Variants in NR0B1 observed in about 807,000 individuals in gnomAD.
NR0B1 encodes nuclear receptor subfamily 0 group B member 1.
In NR0B1, 3 loss-of-function variants were observed where a neutral mutation model predicts 23.0. The ratio of observed to expected loss-of-function variants is 0.13; its 90% CI spans 0.06 to 0.34. The LOEUF is 0.34. NR0B1 is among the 10% of genes least tolerant of loss of function. The pLI is 1.00. For synonymous variants in NR0B1, 205 were observed against 184.0 expected (o/e 1.11, Z -0.92); for missense variants, 350 against 402.9 (o/e 0.87, Z 1.12).
rs1041148581 is a variant in NR0B1 at position 30,304,404 on chromosome X, G to A, written c.*175C>T. On this transcript the variant is annotated 3_prime_UTR_variant, in exon 2 of 2. Transcript: ENST00000378970. ...AAATGTCTTCTTTAACTATGGAACA[G>A]AGAAATTTGTGACTGTCTGGAATAA... is the stretch of plus-strand genomic sequence containing the variant. The A allele has an allele frequency of 1.9e-6, 1 of 523,206 alleles. No individual in the cohort carries two copies. Among genetic ancestry groups the A allele is most frequent in the African/African-American group, 2.4e-5 (1 of 42,188 alleles). 43.1% of individuals were successfully genotyped at this position (523,206 alleles called of 1,213,427 possible).
rs1926480359 is a variant in NR0B1, at chrX:30,304,314, C to A, written c.*265G>T. The stretch of plus-strand genomic sequence containing the variant: ...GAAATTGCTACACTTGTGAAAATAG[C>A]TTATTATACTAGTACCCTGCTATTT... On this transcript the variant is annotated 3_prime_UTR_variant, in exon 2 of 2. Coordinates refer to ENST00000378970, the MANE Select transcript of NR0B1 (RefSeq NM_000475.5). 1 of 274,205 alleles carries A rather than the reference C, an allele frequency of 3.6e-6. No homozygotes were observed. Among genetic ancestry groups the A allele is most frequent in the Non-Finnish European group, 6.4e-6 (1 of 155,164 alleles). 22.6% of individuals were successfully genotyped at this position (274,205 alleles called of 1,213,427 possible). A position where few individuals can be genotyped will look rare whatever the true frequency, so the allele number is the denominator to read the frequency against.
At chrX:30,304,938 G>T in intron 1 of NR0B1, 115 bp from the exon 2 acceptor site, 1 of 937,532 alleles carries the variant, frequency 1.1e-6, no homozygotes. Flanking sequence ...AAAGCTTCCC[G>T]GTTAAAAGGG....
chrX:30,304,817 G>A lies in NR0B1; in HGVS notation c.1175C>T (p.Pro392Leu), dbSNP rs1261361082. The stretch of plus-strand genomic sequence containing the variant: ...AATGTACTTCACGCACTGCAGGCCC[G>A]GCACGTCTGGAGGGAGAAAAATCTC... ...KGTVLFNPDV[P>L]GLQCVKYIQG... The change falls in exon 2 of 2, where the codon CCG becomes CTG. Residue 392 changes from proline to leucine, a missense_variant. Around this residue, in one of 2 missense-constraint regions of NR0B1, gnomAD observed 52 missense variants for 88.9 expected, o/e 0.58. Transcript: ENST00000378970. 2.5e-6 allele frequency: 3 copies of A among 1,210,709 alleles called. No homozygotes were observed. Among genetic ancestry groups the A allele is most frequent in the Non-Finnish European group, 3.4e-6 (3 of 895,116 alleles).
Position 30,308,293 on chromosome X carries a change from C to T in NR0B1, c.1071G>A (p.Gln357=). Residue 357 remains glutamine (Q), a synonymous_variant, in exon 1 of 2, where the codon CAG becomes CAA. Coordinates refer to ENST00000378970, the MANE Select transcript of NR0B1 (RefSeq NM_000475.5). The part of the protein sequence containing the change: ...AEARKVPSAS[Q]VQAIKCFLSK... ...AAAGAAAGCACTTGATGGCTTGGAC[C>T]TGGGAGGCGGAGGGCACCTTCCTGG... 1 of 1,211,275 alleles carries T rather than the reference C, an allele frequency of 8.3e-7. No homozygotes were observed. The highest frequency in any genetic ancestry group is 1.1e-6 in the Non-Finnish European group (1 of 894,768).
At chrX:30,305,797 G>A (rs1926506779) in intron 1 of NR0B1, 2 of 470,128 alleles carry the variant, frequency 4.3e-6, no homozygotes, top group African/African-American at 2.6e-5. Flanking sequence ...GTAATTAGCA[G>A]TTGACCACTT....
Position 30,308,629 on chromosome X carries a change from C to CAGA in NR0B1, c.734_735insTCT (p.Pro245_Val246insLeu). 1 of 1,206,623 alleles carries CAGA rather than the reference C, an allele frequency of 8.3e-7. No homozygotes were observed. Among genetic ancestry groups the CAGA allele is most frequent in the Non-Finnish European group, 1.1e-6 (1 of 893,604 alleles). ...CCACCTGTGGACTCTTGAGCGCCAC[C>CAGA]GGCCGCAGCGCACCAGAGGAGGTGT... On this transcript the variant is annotated inframe_insertion, in exon 1 of 2. Transcript: ENST00000378970.
chrX:30,308,410 C>A lies in NR0B1; in HGVS notation c.954G>T (p.Gln318His), dbSNP rs1052691598. Residue 318 changes from glutamine (Q) to histidine (H), a missense_variant, in exon 1 of 2, where the codon CAG becomes CAT. By Grantham distance (24) the Gln-to-His change is conservative (BLOSUM62 0). Coordinates refer to ENST00000378970, the MANE Select transcript of NR0B1 (RefSeq NM_000475.5). ...TVEVSEPSML[Q>H]KILTTRRRET... ...CCCGCCGCCTGGTGGTGAGGATCTT[C>A]TGCAGCATGCTGGGCTCCGAGACTT... 1.7e-6 allele frequency: 2 copies of A among 1,203,803 alleles called. No individual in the cohort carries two copies. Among genetic ancestry groups the A allele is most frequent in the Middle Eastern group, 2.3e-4 (1 of 4,306 alleles).
Position 30,308,585 on chromosome X carries a change from G to T in NR0B1, c.779C>A (p.Ala260Glu), listed in dbSNP as rs748162844. Reference protein sequence around the residue: ...SPQVVCEAASAGLLKTLRFVK... With the variant: ...SPQVVCEAASEGLLKTLRFVK... ...GAAGCGCAGCGTCTTCAACAGGCCC[G>T]CTGAGGCTGCCTCGCAGACCACCTG... Residue 260 changes from alanine to glutamate, a missense_variant, in exon 1 of 2, where the codon GCG (alanine) becomes GAG (glutamate). Transcript: ENST00000378970. The T allele has an allele frequency of 8.3e-7, 1 of 1,207,875 alleles. No homozygotes were observed. Among genetic ancestry groups the T allele is most frequent in the Non-Finnish European group, 1.1e-6 (1 of 894,383 alleles).
chrX:30,306,622 G>A, intron 1 of NR0B1, among the ~76,000 whole-genome samples: 1 of 89,968 alleles, frequency 1.1e-5, no homozygotes, highest in South Asian at 5.4e-4. Flanking sequence ...TGTGTTAAAA[G>A]TATATAAAAC....
chrX:30,304,605 G>A lies in NR0B1; in HGVS notation c.1387C>T (p.Leu463=), dbSNP rs766596662. The A allele has an allele frequency of 1.7e-6, 2 of 1,211,232 alleles. No homozygotes were observed. Among genetic ancestry groups the A allele is most frequent in the Admixed American group, 4.3e-5 (2 of 46,020 alleles). ...TATATCTTTGTACAGAGCATTTCCAGCATCATATCATCCATGCTGACTGTG... is the reference window on the plus strand; with the variant it reads ...TATATCTTTGTACAGAGCATTTCCAACATCATATCATCCATGCTGACTGTG... ...IGTVSMDDMM[L]EMLCTKI Residue 463 remains leucine, a synonymous_variant, in exon 2 of 2, where the codon CTG becomes TTG. Transcript: ENST00000378970.
rs1001710892 is a variant in NR0B1 at position 30,308,600 on chromosome X, C to A, written c.764G>T (p.Cys255Phe). 8.3e-7 allele frequency: 1 copy of A among 1,208,658 alleles called. No homozygotes were observed. Among genetic ancestry groups the A allele is most frequent in the East Asian group, 3.0e-5 (1 of 33,759 alleles). The change falls in exon 1 of 2, where the codon TGC becomes TTC. Residue 255 changes from cysteine (C) to phenylalanine (F), a missense_variant. Transcript: ENST00000378970. Reference sequence around the variant, plus strand: ...CAACAGGCCCGCTGAGGCTGCCTCGCAGACCACCTGTGGACTCTTGAGCGC... The same window carrying A: ...CAACAGGCCCGCTGAGGCTGCCTCGAAGACCACCTGTGGACTCTTGAGCGC... ...PVALKSPQVV[C>F]EAASAGLLKT...
intron 1 of NR0B1, among the ~76,000 whole-genome samples, chrX:30,306,421 A>G (rs773500828): frequency 1.8e-5 from 2 of 111,721 alleles, no homozygotes; most frequent in African/African-American, 3.2e-5. Context: ...TATATATGGG[A>G]CATACAAAGG....
At position 30,304,575 on chromosome X, in the gene NR0B1, G is replaced by A; in HGVS notation, c.*4C>T. The stretch of plus-strand genomic sequence containing the variant: ...ACTACTGCACTTGTGTGGCCCACAT[G>A]ACTTTATATCTTTGTACAGAGCATT... On this transcript the variant is annotated 3_prime_UTR_variant, in exon 2 of 2. Transcript: ENST00000378970. 8.3e-7 allele frequency: 1 copy of A among 1,211,131 alleles called. No homozygotes were observed. Among genetic ancestry groups the A allele is most frequent in the Non-Finnish European group, 1.1e-6 (1 of 895,188 alleles).
intron 1 of NR0B1, among the ~76,000 whole-genome samples, chrX:30,306,129 C>T (rs770901339): frequency 1.8e-5 from 2 of 111,523 alleles, no homozygotes; most frequent in South Asian, 3.8e-4. Context: ...TGAATTCCAT[C>T]GATGAAAGTA....
rs757381652 is a variant in NR0B1, at chrX:30,309,011, G to A, written c.353C>T (p.Ala118Val). The A allele has an allele frequency of 2.1e-5, 25 of 1,202,507 alleles. No homozygotes were observed. In the Admixed American group the frequency reaches 5.4e-4, roughly 26 times the overall value. The change falls in exon 1 of 2, where the codon GCG becomes GTG. Residue 118 changes from alanine to valine, a missense_variant. By Grantham distance (64) the Ala-to-Val change is moderately conservative. Coordinates refer to ENST00000378970, the MANE Select transcript of NR0B1 (RefSeq NM_000475.5). Reference sequence around the variant, plus strand: ...CACGGGCCGCCCACCCGGAAGCCCCGCTCTGCCCACCCCGGGATCAGAGCC... The same window carrying A: ...CACGGGCCGCCCACCCGGAAGCCCCACTCTGCCCACCCCGGGATCAGAGCC... ...SCGSDPGVGRAGLPGGRPVAL... is the reference protein window; with the variant it reads ...SCGSDPGVGRVGLPGGRPVAL...
rs185637645 is a variant in NR0B1, at chrX:30,309,213, T to C, written c.151A>G (p.Arg51Gly). The change falls in exon 1 of 2, where the codon AGA becomes GGA. Residue 51 changes from arginine to glycine, a missense_variant. Physicochemically the swap from Arg to Gly is moderately radical, Grantham distance 125. This residue lies in a region of NR0B1 where 298 missense variants were observed against 314.0 expected (regional missense o/e 0.95). Coordinates refer to ENST00000378970, the MANE Select transcript of NR0B1 (RefSeq NM_000475.5). ...TTCCGCCCGCCCAGCAGCCCCTCTC[T>C]GCCCACCCCGGGCTCATCGCCGCAC... ...CSCGDEPGVGREGLLGGRNVA... is the reference protein window; with the variant it reads ...CSCGDEPGVGGEGLLGGRNVA... The C allele has an allele frequency of 8.6e-6, 10 of 1,169,586 alleles. No individual in the cohort carries two copies. The African/African-American group carries it at 1.6e-4, about 18-fold the overall frequency.
At position 30,304,312 on chromosome X, in the gene NR0B1, A is replaced by AGC; in HGVS notation, c.*265_*266dup. The AGC allele has an allele frequency of 3.7e-6, 1 of 269,954 alleles. No individual in the cohort carries two copies. Among genetic ancestry groups the AGC allele is most frequent in the Non-Finnish European group, 6.6e-6 (1 of 152,570 alleles). 22.2% of individuals were successfully genotyped at this position (269,954 alleles called of 1,213,427 possible). A position where few individuals can be genotyped will look rare whatever the true frequency, so the allele number is the denominator to read the frequency against. ...ATGAAATTGCTACACTTGTGAAAAT[A>AGC]GCTTATTATACTAGTACCCTGCTAT... is the stretch of plus-strand genomic sequence containing the variant. On this transcript the variant is annotated 3_prime_UTR_variant, in exon 2 of 2. Transcript: ENST00000378970.
chrX:30,308,530 C>T lies in NR0B1; in HGVS notation c.834G>A (p.Leu278=). ...CCAGCACCAGCTGCTGGTCCAGGGG[C>T]AGCACCTGGAAGCAGGGCAAGTACT... ...FVKYLPCFQV[L]PLDQQLVLVR... Residue 278 remains leucine, a synonymous_variant, in exon 1 of 2, where the codon CTG becomes CTA. Coordinates refer to ENST00000378970, the MANE Select transcript of NR0B1 (RefSeq NM_000475.5). The T allele has an allele frequency of 1.7e-6, 2 of 1,205,058 alleles. No individual in the cohort carries two copies. The highest frequency in any genetic ancestry group is 2.2e-6 in the Non-Finnish European group (2 of 892,590).
Position 30,308,785 on chromosome X carries a change from C to G in NR0B1, c.579G>C (p.Thr193=). 5.9e-6 allele frequency: 7 copies of G among 1,196,022 alleles called. No individual in the cohort carries two copies. The highest frequency in any genetic ancestry group is 7.9e-6 in the Non-Finnish European group (7 of 888,150). Residue 193 remains threonine (T), a synonymous_variant, in exon 1 of 2, where the codon ACG becomes ACC. Coordinates refer to ENST00000378970, the MANE Select transcript of NR0B1 (RefSeq NM_000475.5). ...GKEALPGGRA[T]ALLYRCCFCG... is the part of the protein sequence containing the mutation. Reference sequence around the variant, plus strand: ...AAAAGCAGCAGCGGTACAGAAGCGCCGTGGCCCGCCCGCCTGGTAGCGCCT... The same window carrying G: ...AAAAGCAGCAGCGGTACAGAAGCGCGGTGGCCCGCCCGCCTGGTAGCGCCT...
Sources: allele counts gnomAD v4.1 joint callset (sites outside exome capture counted in the v4.1 genomes callset), GRCh38; gene constraint gnomAD v4.1.1; regional missense constraint gnomAD v4.1.1; transcripts MANE v1.5; gene names NCBI Gene and HGNC (gene_info 2026-07-23, HGNC 2026-07-21).